MAN2C1: variants seen among roughly 807,000 people sequenced by gnomAD.
MAN2C1 encodes alpha-mannosidase 2C1.
In MAN2C1, 111 loss-of-function variants were observed where a neutral mutation model predicts 126.9. That is an observed-to-expected ratio of 0.87 (90% CI 0.75 to 1.02). MAN2C1 has a LOEUF of 1.02. Among genes scored for constraint, MAN2C1 ranks in the 50% least tolerant of loss-of-function variants. The pLI is 0.00. For missense variants in MAN2C1, 1,363 were observed against 1,364.4 expected (o/e 1.00, Z 0.02); for synonymous variants, 567 against 561.5 (o/e 1.01, Z -0.14).
intron 16 of MAN2C1, 79 bp from the exon 17 acceptor site, chr15:75,359,504 A>G: frequency 6.4e-7 from 1 of 1,559,920 alleles, no homozygotes; most frequent in Non-Finnish European, 8.8e-7. Context: ...GGTTGGTGGA[A>G]GATGTGCTAC....
At chr15:75,360,240 G>A in intron 13 of MAN2C1, 29 bp from the exon 14 acceptor site, 1 of 1,602,824 alleles carries the variant, frequency 6.2e-7, no homozygotes, top group Non-Finnish European at 8.5e-7. Context: ...GATTAGTCTG[G>A]AGCCTGCTTA....
At chr15:75,359,485 G>A in intron 16 of MAN2C1, 60 bp from the exon 17 acceptor site, 15 of 1,569,572 alleles carry the variant, frequency 9.6e-6, no homozygotes, top group Non-Finnish European at 1.3e-5. Flanking sequence ...GCTTGCGCAG[G>A]TGGGGATGGG....
chr15:75,363,055 G>A (rs764404974), intron 6 of MAN2C1: 90 of 409,834 alleles, frequency 2.2e-4, no homozygotes, highest in Non-Finnish European at 3.9e-4. Flanking sequence ...GAAGTAGCAG[G>A]GACTACCCTG....
At position 75,368,564 on chromosome 15, in the gene MAN2C1, A is replaced by G. The variant is rs750243365; in HGVS notation, c.20T>C (p.Leu7Ser). ...CTCCAGCGTGGTGCGCCAGTGCTTCAAGGCCGGCGCAGCCGCCATCGCCGG... is the reference window on the plus strand; with the variant it reads ...CTCCAGCGTGGTGCGCCAGTGCTTCGAGGCCGGCGCAGCCGCCATCGCCGG... Reference protein sequence around the residue: MAAAPALKHWRTTLERV... With the variant: MAAAPASKHWRTTLERV... Residue 7 changes from leucine (L) to serine (S), a missense_variant, in exon 1 of 26, where the codon TTG becomes TCG. Leu to Ser is a moderately radical substitution (Grantham distance 145, BLOSUM62 -2). Coordinates refer to ENST00000267978, the MANE Select transcript of MAN2C1 (RefSeq NM_006715.4). 1.9e-6 allele frequency: 3 copies of G among 1,548,372 alleles called. No individual in the cohort carries two copies. Among genetic ancestry groups the G allele is most frequent in the East Asian group, 2.4e-5 (1 of 41,044 alleles).
In MAN2C1 at chr15:75,367,970, G is replaced by T. The variant is rs902609099; in HGVS notation, c.227+103C>A. Reference sequence around the variant, plus strand: ...AGCAGAGGGTGCTGCTCGATCCCACGTAGTTGTCTACGGCAGAGGGCAGAC... The same window carrying T: ...AGCAGAGGGTGCTGCTCGATCCCACTTAGTTGTCTACGGCAGAGGGCAGAC... On this transcript the variant is annotated intron_variant, in intron 2 of 25. Coordinates refer to ENST00000267978, the MANE Select transcript of MAN2C1 (RefSeq NM_006715.4). The T allele has an allele frequency of 2.1e-5, 30 of 1,398,710 alleles. No individual in the cohort carries two copies. The South Asian group carries it at 3.8e-4, about 18-fold the overall frequency. 86.6% of individuals were successfully genotyped at this position (1,398,710 alleles called of 1,614,324 possible). A position where few individuals can be genotyped will look rare whatever the true frequency, so the allele number is the denominator to read the frequency against.
Position 75,364,036 on chromosome 15 carries a change from G to A in MAN2C1, c.753C>T (p.His251=). 1.2e-6 allele frequency: 2 copies of A among 1,614,204 alleles called. No individual in the cohort carries two copies. Among genetic ancestry groups the A allele is most frequent in the Non-Finnish European group, 1.7e-6 (2 of 1,180,034 alleles). Residue 251 remains histidine (H), a synonymous_variant, in exon 6 of 26, where the codon CAC becomes CAT. Coordinates refer to ENST00000267978, the MANE Select transcript of MAN2C1 (RefSeq NM_006715.4). ...GGCAGTGCCCTGTGGCATGAATGGT[G>A]TGTTGGCTTTCACCCCCATGTTGGC... is the stretch of plus-strand genomic sequence containing the variant. ...FFGQHGGESQ[H]TIHATGHCHI... is the part of the protein sequence containing the mutation.
chr15:75,359,689 C>T lies in MAN2C1; in HGVS notation c.1879G>A (p.Val627Ile), dbSNP rs748277033. ...GEPGPEGLLI[V>I]NTLPWKRIEV... Reference sequence around the variant, plus strand: ...ATCCGCTTCCAGGGCAGTGTGTTGACGATGAGGAGGCCCTCAGGACCTGGC... The same window carrying T: ...ATCCGCTTCCAGGGCAGTGTGTTGATGATGAGGAGGCCCTCAGGACCTGGC... The change falls in exon 16 of 26, where the codon GTC becomes ATC. Residue 627 changes from valine to isoleucine, a missense_variant. Physicochemically the swap from Val to Ile is conservative, Grantham distance 29. Coordinates refer to ENST00000267978, the MANE Select transcript of MAN2C1 (RefSeq NM_006715.4). 48 of 1,614,054 alleles carry T rather than the reference C, an allele frequency of 3.0e-5. No homozygotes were observed. Among genetic ancestry groups the T allele is most frequent in the Non-Finnish European group, 3.6e-5 (43 of 1,180,034 alleles).
Position 75,356,013 on chromosome 15 carries a change from G to A in MAN2C1, c.3016C>T (p.Pro1006Ser). Residue 1006 changes from proline to serine, a missense_variant, in exon 26 of 26, where the codon CCA becomes TCA. Coordinates refer to ENST00000267978, the MANE Select transcript of MAN2C1 (RefSeq NM_006715.4). The surrounding 1 kb of genome is among the most constrained non-coding windows in gnomAD (Gnocchi z 5.8). The part of the protein sequence containing the change: ...EAILCDLLER[P>S]DPAGHLTLRD... ...AGGGTCAAGTGGCCAGCAGGGTCTG[G>A]TCGCTCCAAGAGATCGCAGCTGGAG... 1 of 1,614,006 alleles carries A rather than the reference G, an allele frequency of 6.2e-7. No individual in the cohort carries two copies. The highest frequency in any genetic ancestry group is 8.5e-7 in the Non-Finnish European group (1 of 1,179,960).
chr15:75,356,108 A>G lies in MAN2C1; in HGVS notation c.2996+2T>C, dbSNP rs2072284969. On this transcript the variant is annotated splice_donor_variant, in intron 25 of 25. Transcript: ENST00000267978. LOFTEE classifies it high-confidence loss of function. The surrounding 1 kb of genome is among the most constrained non-coding windows in gnomAD (Gnocchi z 5.8). ...CCGCCCCAATCCCACACCGCCACTCACAGGATGGCCTCCTGAACCGGCAGC... is the reference window on the plus strand; with the variant it reads ...CCGCCCCAATCCCACACCGCCACTCGCAGGATGGCCTCCTGAACCGGCAGC... 1 of 1,613,734 alleles carries G rather than the reference A, an allele frequency of 6.2e-7. No individual in the cohort carries two copies. The highest frequency in any genetic ancestry group is 8.5e-7 in the Non-Finnish European group (1 of 1,179,962).
chr15:75,362,591 C>T lies in MAN2C1; in HGVS notation c.897+51G>A. The T allele has an allele frequency of 2.5e-6, 4 of 1,589,396 alleles. No homozygotes were observed. Among genetic ancestry groups the T allele is most frequent in the Non-Finnish European group, 3.4e-6 (4 of 1,160,408 alleles). ...TGGGAAGCCTTCAGGGCCTGTGGAG[C>T]TCCAGGGAGGGCCACGTGCTTCCCT... is the stretch of plus-strand genomic sequence containing the variant. On this transcript the variant is annotated intron_variant, in intron 7 of 25. Transcript: ENST00000267978. The surrounding 1 kb of genome is among the most constrained non-coding windows in gnomAD (Gnocchi z 4.5).
In MAN2C1 at chr15:75,358,705, G is replaced by A. The variant is rs745404673; in HGVS notation, c.2245C>T (p.Arg749Trp). ...WDVMDYHLET[R>W]KPVLGQAGTL... ...CCCCACATGCTGCCCAGCCTATACC[G>A]TGTCTCCAGGTGGTAGTCCATGACG... The change falls in exon 19 of 26, where the codon CGG becomes TGG. Residue 749 changes from arginine to tryptophan, a missense_variant and splice_region_variant. By Grantham distance (101) the Arg-to-Trp change is moderately radical. This residue lies in a region of MAN2C1 where 668 missense variants were observed against 650.1 expected (regional missense o/e 1.03). Coordinates refer to ENST00000267978, the MANE Select transcript of MAN2C1 (RefSeq NM_006715.4). 1.3e-4 allele frequency: 57 copies of A among 435,158 alleles called. No individual in the cohort carries two copies. The highest frequency in any genetic ancestry group is 1.9e-4 in the Non-Finnish European group (52 of 267,262). 27.0% of individuals were successfully genotyped at this position (435,158 alleles called of 1,614,324 possible). A position where few individuals can be genotyped will look rare whatever the true frequency, so the allele number is the denominator to read the frequency against.
At position 75,359,262 on chromosome 15, in the gene MAN2C1, C is replaced by T. The variant is rs1056807480; in HGVS notation, c.2046+66G>A. On this transcript the variant is annotated intron_variant, in intron 17 of 25. Transcript: ENST00000267978. ...ACCACTTGCTCCAGACAGGGGAGCT[C>T]AGGACCCTCAGTTGTAAGAAAGTAT... 5.7e-6 allele frequency: 9 copies of T among 1,585,146 alleles called. No homozygotes were observed. In the African/African-American group the frequency reaches 1.2e-4, roughly 21 times the overall value.
intron 13 of MAN2C1, 41 bp from the exon 14 acceptor site, chr15:75,360,252 C>T: frequency 6.3e-7 from 1 of 1,599,170 alleles, no homozygotes; most frequent in Non-Finnish European, 8.5e-7. Flanking sequence ...GCCTGCTTAG[C>T]TGTCCCAGGA....
At chr15:75,358,007 G>A (rs1447184058) in intron 21 of MAN2C1, 194 bp downstream of exon 21, 9 of 628,684 alleles carry the variant, frequency 1.4e-5, no homozygotes, top group African/African-American at 7.3e-5. Context: ...CACCCACCTC[G>A]GCCTCCCAAA....
At position 75,362,692 on chromosome 15, in the gene MAN2C1, C is replaced by A. The variant is rs763563920; in HGVS notation, c.847G>T (p.Ala283Ser). The change falls in exon 7 of 26, where the codon GCC (alanine) becomes TCC (serine). Residue 283 changes from alanine to serine, a missense_variant. Physicochemically the swap from Ala to Ser is moderately conservative, Grantham distance 99. Coordinates refer to ENST00000267978, the MANE Select transcript of MAN2C1 (RefSeq NM_006715.4). The surrounding 1 kb of genome is among the most constrained non-coding windows in gnomAD (Gnocchi z 4.5). Reference protein sequence around the residue: ...VRKCARSWVTALQLMERNPEF... With the variant: ...VRKCARSWVTSLQLMERNPEF... ...GGGTTCCGCTCCATGAGCTGCAGGG[C>A]GGTCACCCAGCTCCGGGCACATTTC... 4 of 1,614,122 alleles carry A rather than the reference C, an allele frequency of 2.5e-6. No homozygotes were observed. The highest frequency in any genetic ancestry group is 1.7e-6 in the Non-Finnish European group (2 of 1,180,010).
Position 75,359,381 on chromosome 15 carries a change from G to A in MAN2C1, c.1993C>T (p.Pro665Ser). The change falls in exon 17 of 26, where the codon CCC becomes TCC. Residue 665 changes from proline to serine, a missense_variant. Coordinates refer to ENST00000267978, the MANE Select transcript of MAN2C1 (RefSeq NM_006715.4). ...PSMGYAPVPP[P>S]TSLQPLLPQQ... The stretch of plus-strand genomic sequence containing the variant: ...GGCAGCAGGGGCTGCAGTGAGGTGG[G>A]GGGAGGAACAGGAGCATAGCCCATG... 1 of 1,608,294 alleles carries A rather than the reference G, an allele frequency of 6.2e-7. No homozygotes were observed. Among genetic ancestry groups the A allele is most frequent in the Non-Finnish European group, 8.5e-7 (1 of 1,177,904 alleles).
chr15:75,358,057 T>C (rs1332832335), intron 21 of MAN2C1, 144 bp downstream of exon 21: 41 of 1,037,048 alleles, frequency 4.0e-5, no homozygotes, highest in African/African-American at 1.6e-5. Context: ...GCCTTGCCAA[T>C]GTAAAGCATT....
intron 20 of MAN2C1, 38 bp downstream of exon 20, chr15:75,358,424 C>T (rs748115988): frequency 1.2e-6 from 2 of 1,613,090 alleles, no homozygotes; most frequent in Admixed American, 1.7e-5. Context: ...TTACCAAGCA[C>T]ACTTGGGGAA....
In MAN2C1 at chr15:75,358,704, C is replaced by CACATGCT. The variant is rs758880292; in HGVS notation, c.2245_2246insAGCATGT (p.Arg749GlnfsTer38). 2.5e-6 allele frequency: 4 copies of CACATGCT among 1,613,912 alleles called. No individual in the cohort carries two copies. The highest frequency in any genetic ancestry group is 1.7e-4 in the Middle Eastern group (1 of 6,060). On this transcript the variant is annotated frameshift_variant and splice_region_variant, in exon 19 of 26. Coordinates refer to ENST00000267978, the MANE Select transcript of MAN2C1 (RefSeq NM_006715.4). LOFTEE classifies it high-confidence loss of function. ...TCCCCACATGCTGCCCAGCCTATAC[C>CACATGCT]GTGTCTCCAGGTGGTAGTCCATGAC...
Sources: gnomAD v4.1 joint callset for allele counts on GRCh38, gnomAD v4.1.1 for gene constraint, gnomAD v4.1.1 regional missense constraint, Gnocchi (gnomAD v3.1) non-coding constraint, MANE v1.5 for transcripts, NCBI Gene and HGNC (gene_info 2026-07-23, HGNC 2026-07-21) for gene names.